MARCHF1: variants seen among roughly 807,000 people sequenced by gnomAD.
MARCHF1 encodes E3 ubiquitin-protein ligase MARCHF1.
A neutral mutation model predicts 54.2 loss-of-function variants in MARCHF1; 40 were observed. The ratio of observed to expected loss-of-function variants is 0.74; its 90% confidence interval spans 0.57 to 0.96. The LOEUF (loss-of-function observed/expected upper bound fraction) is 0.96, where lower values mean the gene tolerates loss of function less well. MARCHF1 is among the 40% of genes least tolerant of loss of function. The probability of loss-of-function intolerance (pLI) is 0.00; values close to 1 mark genes in which losing one functional copy is unlikely to be tolerated. For synonymous variants in MARCHF1, 236 were observed against 236.3 expected (o/e 1.00, Z 0.01); for missense variants, 586 against 656.5 (o/e 0.89, Z 1.17).
chr4:163,531,230 C>T (rs1738338855), intron 9 of MARCHF1, among the ~76,000 whole-genome samples: 2 of 151,822 alleles, frequency 1.3e-5, no homozygotes, highest in Non-Finnish European at 1.5e-5. Flanking sequence ...CAAAAATTCT[C>T]AACAAAATAT....
At chr4:163,662,430 G>C (rs1451465285) in intron 5 of MARCHF1, among the ~76,000 whole-genome samples, 1 of 151,512 alleles carries the variant, frequency 6.6e-6, no homozygotes, top group African/African-American at 2.4e-5. Flanking sequence ...ATACTTTCTG[G>C]AAGTTTTCTT....
At chr4:164,205,045 C>T (rs1302448434) in intron 1 of MARCHF1, among the ~76,000 whole-genome samples, 5 of 152,040 alleles carry the variant, frequency 3.3e-5, no homozygotes, top group Admixed American at 2.0e-4. Context: ...TGTCTTAATT[C>T]TTATATAGTG....
At chr4:163,656,607 A>AC (rs1743153250) in intron 5 of MARCHF1, among the ~76,000 whole-genome samples, 1 of 151,996 alleles carries the variant, frequency 6.6e-6, no homozygotes, top group African/African-American at 2.4e-5. Flanking sequence ...AACAACAACA[A>AC]AAAAACTTCA....
At chr4:163,619,670 A>T (rs1741618428) in intron 5 of MARCHF1, among the ~76,000 whole-genome samples, 1 of 152,100 alleles carries the variant, frequency 6.6e-6, no homozygotes, top group Non-Finnish European at 1.5e-5. Flanking sequence ...GGGAAAAGGT[A>T]GGTTATTAAA....
At chr4:163,979,963 T>G (rs529148546) in intron 3 of MARCHF1, among the ~76,000 whole-genome samples, 2 of 152,164 alleles carry the variant, frequency 1.3e-5, no homozygotes, top group Non-Finnish European at 1.5e-5. Context: ...TTTCTCCCAT[T>G]TTGTAGGTTG....
intron 3 of MARCHF1, among the ~76,000 whole-genome samples, chr4:163,912,034 A>T (rs1369541375): frequency 6.6e-6 from 1 of 150,878 alleles, no homozygotes; most frequent in Admixed American, 6.7e-5. Context: ...AGGCTGGTAG[A>T]CCAGTGTTAT....
intron 1 of MARCHF1, among the ~76,000 whole-genome samples, chr4:164,168,663 T>TACACACACACACAC (rs3059785): frequency 2.9e-4 from 43 of 147,166 alleles, no homozygotes; most frequent in African/African-American, 1.0e-3. Flanking sequence ...TTATGTGGAA[T>TACACACACACACAC]ACACACACAC....
At chr4:164,110,829 C>T (rs1264541112) in intron 2 of MARCHF1, among the ~76,000 whole-genome samples, 2 of 151,554 alleles carry the variant, frequency 1.3e-5, no homozygotes, top group African/African-American at 4.8e-5. Context: ...ATCTCAATAT[C>T]AGAAAGCAGT....
At chr4:164,368,288 A>G (rs1160804983) in intron 1 of MARCHF1, among the ~76,000 whole-genome samples, 2 of 150,868 alleles carry the variant, frequency 1.3e-5, no homozygotes, top group Non-Finnish European at 3.0e-5. Context: ...ATTATGTTGA[A>G]TAATTTAAGA....
chr4:163,963,034 T>C (rs1445880540), intron 3 of MARCHF1, among the ~76,000 whole-genome samples: 1 of 151,948 alleles, frequency 6.6e-6, no homozygotes, highest in East Asian at 1.9e-4. Flanking sequence ...CAGAACCTTG[T>C]ATTGCAAAAC....
At chr4:163,534,814 T>C (rs1738474741) in intron 9 of MARCHF1, among the ~76,000 whole-genome samples, 4 of 152,046 alleles carry the variant, frequency 2.6e-5, no homozygotes. Flanking sequence ...GATTTATTTA[T>C]ACAAATGCAT....
rs1286277728 is a variant in MARCHF1, at chr4:163,794,217, TTCTC to T, written c.111+59800_111+59803del. On this transcript the variant is annotated intron_variant, in intron 4 of 9. Transcript: ENST00000514618. The stretch of plus-strand genomic sequence containing the variant: ...ATCAGTGTATGAGATGTGTATTTCC[TTCTC>T]CTGTTTTGTGGATTACTGAAATTAT... Among the ~76,000 whole-genome samples, 22 of 152,216 alleles carry T rather than the reference TTCTC, an allele frequency of 1.4e-4. 1 individual carries two copies. The highest frequency in any genetic ancestry group is 1.5e-5 in the Non-Finnish European group (1 of 68,036).
At chr4:163,560,758 A>C (rs1275276479) in intron 8 of MARCHF1, among the ~76,000 whole-genome samples, 1 of 152,164 alleles carries the variant, frequency 6.6e-6, no homozygotes, top group Non-Finnish European at 1.5e-5. Flanking sequence ...ATTTATCCCT[A>C]AGTATCTAAT....
intron 1 of MARCHF1, among the ~76,000 whole-genome samples, chr4:164,178,781 A>T (rs1208615302): frequency 6.6e-6 from 1 of 152,206 alleles, no homozygotes; most frequent in Non-Finnish European, 1.5e-5. Context: ...ATTTAACTAT[A>T]GTAATTAAAT....
At chr4:164,287,974 A>G (rs1232211690) in intron 1 of MARCHF1, among the ~76,000 whole-genome samples, 2 of 152,184 alleles carry the variant, frequency 1.3e-5, no homozygotes, top group Non-Finnish European at 2.9e-5. Context: ...TTAGGTTAAC[A>G]TAAACTGGCC....
chr4:164,179,345 T>C (rs1448797683), intron 1 of MARCHF1, among the ~76,000 whole-genome samples: 1 of 152,190 alleles, frequency 6.6e-6, no homozygotes, highest in African/African-American at 2.4e-5. Context: ...TAGCTCTGTA[T>C]TGTGATTTCA....
At chr4:163,677,160 A>C (rs1179815716) in intron 5 of MARCHF1, among the ~76,000 whole-genome samples, 1 of 152,198 alleles carries the variant, frequency 6.6e-6, no homozygotes, top group Non-Finnish European at 1.5e-5. Flanking sequence ...CCTGTCAGAA[A>C]CTGTGATCAA....
chr4:164,257,910 C>A (rs929375445), intron 1 of MARCHF1, among the ~76,000 whole-genome samples: 1 of 152,040 alleles, frequency 6.6e-6, no homozygotes, highest in African/African-American at 2.4e-5. Flanking sequence ...GGGTATATAC[C>A]CAAAGGAATA....
chr4:164,362,251 A>T (rs1730742886), intron 1 of MARCHF1, among the ~76,000 whole-genome samples: 3 of 152,146 alleles, frequency 2.0e-5, no homozygotes, highest in South Asian at 2.1e-4. Context: ...ACATACTTTT[A>T]AAAAAATTAA....
Sources: allele counts gnomAD v4.1 joint callset (sites outside exome capture counted in the v4.1 genomes callset), GRCh38; gene constraint gnomAD v4.1.1; transcripts MANE v1.5; gene names NCBI Gene and HGNC (gene_info 2026-07-23, HGNC 2026-07-21).